The following SLC24A2 variants were observed in gnomAD, a reference collection of about 807,000 sequenced individuals.
SLC24A2 encodes sodium/potassium/calcium exchanger 2.
SLC24A2 carries 36 observed loss-of-function variants against 62.0 expected under a neutral mutation model. The observed-to-expected ratio is 0.58, with a 90% CI of 0.44 to 0.77. The LOEUF (loss-of-function observed/expected upper bound fraction) is 0.77. Among genes scored for constraint, SLC24A2 ranks in the 30% least tolerant of loss-of-function variants. The pLI is 0.00. For synonymous variants in SLC24A2, 358 were observed against 294.0 expected (o/e 1.22, Z -2.23); for missense variants, 846 against 817.9 (o/e 1.03, Z -0.42).
the SLC24A2 span, among the ~76,000 whole-genome samples, chr9:19,797,424 T>C: frequency 3.7e-4 from 56 of 152,228 alleles, no homozygotes; most frequent in African/African-American, 1.3e-3. Context: ...AAATATCTGG[T>C]GATCTTTGGT....
chr9:19,509,385 A>C lies in SLC24A2; in HGVS notation c.*6768T>G, dbSNP rs867275485. On this transcript the variant is annotated 3_prime_UTR_variant, in exon 11 of 11. Transcript: ENST00000341998. ...AGAACAATAATTGTAGTTAATAAAAAATAGAACAGATAAACTCCAATTTAC... is the reference window on the plus strand; with the variant it reads ...AGAACAATAATTGTAGTTAATAAAACATAGAACAGATAAACTCCAATTTAC... 2 of 152,314 alleles carry C rather than the reference A, an allele frequency of 1.3e-5. No homozygotes were observed. Among genetic ancestry groups the C allele is most frequent in the Middle Eastern group, 3.4e-3 (1 of 294 alleles). The allele number at this position is 152,314 out of a possible 1,614,324, so 9.4% of individuals were successfully genotyped here. A position where few individuals can be genotyped will look rare whatever the true frequency, so the allele number is the denominator to read the frequency against.
the SLC24A2 span, among the ~76,000 whole-genome samples, chr9:20,068,386 T>A: frequency 1.3e-5 from 2 of 152,062 alleles, no homozygotes; most frequent in Non-Finnish European, 2.9e-5. Flanking sequence ...ATAATAGCCA[T>A]TCTGACTACA....
chr9:19,548,842 A>C (rs963838046), intron 8 of SLC24A2, among the ~76,000 whole-genome samples: 1 of 152,176 alleles, frequency 6.6e-6, no homozygotes. Flanking sequence ...TGTATTTCCG[A>C]GTATACTGTG....
chr9:19,789,725 C>G (rs1193408828), upstream of SLC24A2, among the ~76,000 whole-genome samples: 1 of 152,192 alleles, frequency 6.6e-6, no homozygotes, highest in African/African-American at 2.4e-5. Flanking sequence ...AGACTAGAAT[C>G]TGGGCCAAAG....
At chr9:19,983,359 C>T in the SLC24A2 span, among the ~76,000 whole-genome samples, 4 of 152,136 alleles carry the variant, frequency 2.6e-5, no homozygotes, top group Admixed American at 2.6e-4. Context: ...AAAAACTCAG[C>T]TGTGGCTGGG....
intron 7 of SLC24A2, among the ~76,000 whole-genome samples, chr9:19,566,780 A>G (rs1019285155): frequency 1.3e-5 from 2 of 152,250 alleles, no homozygotes; most frequent in Non-Finnish European, 2.9e-5. Context: ...CTATGCAGCC[A>G]TAAAAAAGGA....
chr9:20,086,855 T>G, the SLC24A2 span, among the ~76,000 whole-genome samples: 21 of 152,226 alleles, frequency 1.4e-4, no homozygotes, highest in Non-Finnish European at 2.8e-4. Context: ...TCACTGGTGT[T>G]GCAGTTATAT....
the SLC24A2 span, among the ~76,000 whole-genome samples, chr9:20,301,788 T>G: frequency 6.6e-6 from 1 of 152,192 alleles, no homozygotes; most frequent in Non-Finnish European, 1.5e-5. Flanking sequence ...GGTTCACTCT[T>G]GGTGTTGTAC....
chr9:20,152,301 AG>A, the SLC24A2 span, among the ~76,000 whole-genome samples: 1 of 151,952 alleles, frequency 6.6e-6, no homozygotes, highest in Non-Finnish European at 1.5e-5. Context: ...TAAGAACCAA[AG>A]GATCTAGCAT....
At chr9:19,892,139 G>C in the SLC24A2 span, among the ~76,000 whole-genome samples, 301 of 152,088 alleles carry the variant, frequency 2.0e-3, no homozygotes, top group South Asian at 3.1e-3. Context: ...CTTTGCACTT[G>C]CTTTTTCTTC....
chr9:20,203,739 A>C, the SLC24A2 span, among the ~76,000 whole-genome samples: 1 of 152,140 alleles, frequency 6.6e-6, no homozygotes, highest in African/African-American at 2.4e-5. Context: ...CAGAAGAAGA[A>C]ATTAGCTGGG....
the SLC24A2 span, among the ~76,000 whole-genome samples, chr9:19,973,389 ACC>A: frequency 6.6e-6 from 1 of 152,198 alleles, no homozygotes; most frequent in Non-Finnish European, 1.5e-5. Flanking sequence ...TATTTAACAG[ACC>A]CTACATCCAG....
At chr9:20,116,201 C>A in the SLC24A2 span, among the ~76,000 whole-genome samples, 1 of 152,128 alleles carries the variant, frequency 6.6e-6, no homozygotes, top group East Asian at 1.9e-4. Flanking sequence ...TGAGTCTGTT[C>A]AAACAGCTCT....
intron 7 of SLC24A2, among the ~76,000 whole-genome samples, chr9:19,572,832 T>A (rs1457593607): frequency 1.3e-5 from 2 of 152,054 alleles, no homozygotes; most frequent in South Asian, 2.1e-4. Flanking sequence ...GGCCAGAGAG[T>A]GTTAATTTCA....
At chr9:20,099,187 G>A in the SLC24A2 span, among the ~76,000 whole-genome samples, 1 of 152,120 alleles carries the variant, frequency 6.6e-6, no homozygotes, top group Non-Finnish European at 1.5e-5. Flanking sequence ...TCTTTAGTAG[G>A]CTTTTGAAAG....
chr9:19,922,232 T>G, the SLC24A2 span, among the ~76,000 whole-genome samples: 1 of 152,202 alleles, frequency 6.6e-6, no homozygotes, highest in African/African-American at 2.4e-5. Flanking sequence ...AAGTATGAAA[T>G]AGCTTCAGGG....
chr9:19,995,879 C>G, the SLC24A2 span, among the ~76,000 whole-genome samples: 332 of 152,328 alleles, frequency 2.2e-3, 1 homozygote, highest in African/African-American at 7.4e-3. Context: ...AGGCCCCTCT[C>G]CTCTTTAGAG....
chr9:20,118,524 A>G, the SLC24A2 span, among the ~76,000 whole-genome samples: 14 of 152,112 alleles, frequency 9.2e-5, no homozygotes, highest in African/African-American at 3.4e-4. Context: ...TTAAAAAACT[A>G]TTGATGCTGT....
chr9:19,721,105 CTGT>C (rs1821013399), intron 2 of SLC24A2, among the ~76,000 whole-genome samples: 1 of 152,062 alleles, frequency 6.6e-6, no homozygotes, highest in Non-Finnish European at 1.5e-5. Context: ...AGAAAAATCA[CTGT>C]TGTTCAAAGT....
Sources: gnomAD v4.1 joint callset for allele counts (sites outside exome capture counted in the v4.1 genomes callset) on GRCh38, gnomAD v4.1.1 for gene constraint, MANE v1.5 for transcripts, NCBI Gene and HGNC (gene_info 2026-07-23, HGNC 2026-07-21) for gene names.